The following MFSD6 variants were observed in gnomAD, a reference collection of about 807,000 sequenced individuals.
MFSD6 encodes major facilitator superfamily domain containing 6, also known as major facilitator superfamily domain-containing protein 6.
In MFSD6, 26 loss-of-function variants were observed where a neutral mutation model predicts 56.3. The ratio of observed to expected loss-of-function variants is 0.46; its 90% CI spans 0.34 to 0.64. The LOEUF (loss-of-function observed/expected upper bound fraction) is 0.64, where lower values mean the gene tolerates loss of function less well. MFSD6 is among the 30% of genes least tolerant of loss of function. The probability of loss-of-function intolerance (pLI) is 0.01; values close to 1 mark genes in which losing one functional copy is unlikely to be tolerated. For missense variants in MFSD6, 750 were observed against 986.2 expected, an observed-to-expected ratio of 0.76 and a Z score of 3.21; for synonymous variants, 331 against 366.9, an observed-to-expected ratio of 0.90 and a Z score of 1.12.
rs1371087112 is a variant in MFSD6 at position 190,495,995 on chromosome 2, CTTAA to C, written c.1892-1439_1892-1436del. ...CAAAAACAAAGATAAATAGATGGGA[CTTAA>C]TTAAACTAAAGAGCTTTTGCACAGC... On this transcript the variant is annotated intron_variant, in intron 6 of 7. Transcript: ENST00000392328. The surrounding 1 kb of genome is among the most constrained non-coding windows in gnomAD (Gnocchi z 4.7). Among the ~76,000 whole-genome samples, 1 of 152,034 alleles carries C rather than the reference CTTAA, an allele frequency of 6.6e-6. No individual in the cohort carries two copies. Among genetic ancestry groups the C allele is most frequent in the Non-Finnish European group, 1.5e-5 (1 of 67,980 alleles).
rs1331491092 is a variant in MFSD6, at chr2:190,438,678, G to A, written c.1532+1117G>A. Among the ~76,000 whole-genome samples, 1 of 152,204 alleles carries A rather than the reference G, an allele frequency of 6.6e-6. No individual in the cohort carries two copies. The highest frequency in any genetic ancestry group is 1.5e-5 in the Non-Finnish European group (1 of 68,050). Reference sequence around the variant, plus strand: ...CTTGCCTTACAGAAAAGTACGACATGTCTGTTCCTAAAATGTGAAGTTGCT... The same window carrying A: ...CTTGCCTTACAGAAAAGTACGACATATCTGTTCCTAAAATGTGAAGTTGCT... On this transcript the variant is annotated intron_variant, in intron 3 of 7. Transcript: ENST00000392328. This position sits in a 1 kb window ranked among gnomAD's most constrained non-coding sequence, Gnocchi z 5.2.
In MFSD6 at chr2:190,451,149, G is replaced by T. The variant is rs62181014; in HGVS notation, c.1532+13588G>T. 0.23 allele frequency among the ~76,000 whole-genome samples: 35,107 copies of T among 152,134 alleles called. 4,970 individuals carry two copies. Among genetic ancestry groups the T allele is most frequent in the South Asian group, 0.33 (1,597 of 4,826 alleles). On this transcript the variant is annotated intron_variant, in intron 3 of 7. Transcript: ENST00000392328. The surrounding 1 kb of genome is among the most constrained non-coding windows in gnomAD (Gnocchi z 5.0). ...TTTTGCCAATTTGCCTATAAAAAGT[G>T]TATGTGTGTGTATATGTACATGTGT...
chr2:190,455,952 T>TC (rs1235545323), intron 3 of MFSD6, among the ~76,000 whole-genome samples: 1 of 138,848 alleles, frequency 7.2e-6, no homozygotes, highest in African/African-American at 2.7e-5. Context: ...TTTTTTTTTT[T>TC]TTTTTTGAGA....
rs1278512736 is a variant in MFSD6 at position 190,417,326 on chromosome 2, AG to A, written c.-54+1914del. 6.6e-6 allele frequency among the ~76,000 whole-genome samples: 1 copy of A among 152,228 alleles called. No homozygotes were observed. The highest frequency in any genetic ancestry group is 2.4e-5 in the African/African-American group (1 of 41,446). ...GTTGGGAAATCCTTAGCAAGGTCACAGTAGCAAAACCCTGCCAATCTATTCA... is the reference window on the plus strand; with the variant it reads ...GTTGGGAAATCCTTAGCAAGGTCACATAGCAAAACCCTGCCAATCTATTCA... On this transcript the variant is annotated intron_variant, in intron 2 of 7. Coordinates refer to ENST00000392328, the MANE Select transcript of MFSD6 (RefSeq NM_017694.4). This position sits in a 1 kb window ranked among gnomAD's most constrained non-coding sequence, Gnocchi z 5.7.
chr2:190,464,434 C>T (rs1267398515), intron 3 of MFSD6, among the ~76,000 whole-genome samples: 1 of 152,116 alleles, frequency 6.6e-6, no homozygotes, highest in Non-Finnish European at 1.5e-5. Flanking sequence ...CTTTGCTGCT[C>T]ACACCCTGTG....
In MFSD6 at chr2:190,424,232, CTTCT is replaced by C. The variant is rs746832521; in HGVS notation, c.-54+8822_-54+8825del. Among the ~76,000 whole-genome samples, 31 of 112,018 alleles carry C rather than the reference CTTCT, an allele frequency of 2.8e-4. No homozygotes were observed. The highest frequency in any genetic ancestry group is 9.4e-4 in the African/African-American group (24 of 25,570). 73.5% of individuals were successfully genotyped at this position (112,018 alleles called of 152,430 possible). On this transcript the variant is annotated intron_variant, in intron 2 of 7. Coordinates refer to ENST00000392328, the MANE Select transcript of MFSD6 (RefSeq NM_017694.4). This position sits in a 1 kb window ranked among gnomAD's most constrained non-coding sequence, Gnocchi z 5.9. ...AGCACTAGAGGCTAAAGATTTTCTT[CTTCT>C]TTTTTTTTTTTTCTAAATGTTTTAT...
At position 190,412,258 on chromosome 2, in the gene MFSD6, T is replaced by A; in HGVS notation, c.-175-3034T>A. On this transcript the variant is annotated intron_variant, in intron 1 of 7. Transcript: ENST00000392328. The surrounding 1 kb of genome is among the most constrained non-coding windows in gnomAD (Gnocchi z 4.1). The stretch of plus-strand genomic sequence containing the variant: ...AATCAAGAAAACACATGCTTAAACT[T>A]GGTTAATTATCATTGTGGTAGTAGG... 2.0e-6 allele frequency: 2 copies of A among 984,480 alleles called. No homozygotes were observed. The highest frequency in any genetic ancestry group is 2.4e-6 in the Non-Finnish European group (2 of 829,094). 61.0% of individuals were successfully genotyped at this position (984,480 alleles called of 1,614,324 possible).
At position 190,497,614 on chromosome 2, in the gene MFSD6, A is replaced by C. The variant is rs1309677648; in HGVS notation, c.2067A>C (p.Gly689=). ...AAGATGTGAACAAACCAGCCTGGGGAGTCAGCTCTTCTCCCTGGGTGACCT... is the reference window on the plus strand; with the variant it reads ...AAGATGTGAACAAACCAGCCTGGGGCGTCAGCTCTTCTCCCTGGGTGACCT... ...EQEDVNKPAW[G]VSSSPWVTFV... Residue 689 remains glycine (G), a synonymous_variant, in exon 7 of 8, where the codon GGA becomes GGC. Transcript: ENST00000392328. This position sits in a 1 kb window ranked among gnomAD's most constrained non-coding sequence, Gnocchi z 5.2. 2 of 1,614,038 alleles carry C rather than the reference A, an allele frequency of 1.2e-6. No individual in the cohort carries two copies. Among genetic ancestry groups the C allele is most frequent in the African/African-American group, 2.7e-5 (2 of 74,914 alleles).
intron 4 of MFSD6, among the ~76,000 whole-genome samples, chr2:190,482,867 T>A (rs1421857511): frequency 9.2e-6 from 1 of 108,440 alleles, no homozygotes; most frequent in Admixed American, 1.1e-4. Context: ...AAGACTATCA[T>A]CTTTTTTTTT....
rs1205785915 is a variant in MFSD6 at position 190,417,019 on chromosome 2, T to G, written c.-54+1606T>G. ...GGCAATATGTTATGTTCTAGATTCCTCCCTCGAGGGGTATACAGTCTTGTT... is the reference window on the plus strand; with the variant it reads ...GGCAATATGTTATGTTCTAGATTCCGCCCTCGAGGGGTATACAGTCTTGTT... On this transcript the variant is annotated intron_variant, in intron 2 of 7. Coordinates refer to ENST00000392328, the MANE Select transcript of MFSD6 (RefSeq NM_017694.4). The surrounding 1 kb of genome is among the most constrained non-coding windows in gnomAD (Gnocchi z 5.7). Among the ~76,000 whole-genome samples the G allele has an allele frequency of 6.6e-6, 1 of 152,100 alleles. No individual in the cohort carries two copies. Among genetic ancestry groups the G allele is most frequent in the African/African-American group, 2.4e-5 (1 of 41,410 alleles).
At chr2:190,445,119 G>C (rs1236464032) in intron 3 of MFSD6, among the ~76,000 whole-genome samples, 1 of 152,058 alleles carries the variant, frequency 6.6e-6, no homozygotes, top group East Asian at 1.9e-4. Context: ...TATTTAACTG[G>C]ACAATCTTGG....
At chr2:190,444,756 T>A (rs1686510645) in intron 3 of MFSD6, 1 of 201,496 alleles carries the variant, frequency 5.0e-6, no homozygotes, top group Admixed American at 6.5e-5. Flanking sequence ...GTAACTTTAT[T>A]GTTACAGTTT....
chr2:190,466,470 G>C (rs946901895), intron 3 of MFSD6, among the ~76,000 whole-genome samples: 1 of 152,186 alleles, frequency 6.6e-6, no homozygotes, highest in Admixed American at 6.5e-5. Flanking sequence ...CCTCAAAATG[G>C]TTGGTGAGGA....
Position 190,412,782 on chromosome 2 carries a change from T to C in MFSD6, c.-175-2510T>C. 4.7e-6 allele frequency: 1 copy of C among 213,604 alleles called. No homozygotes were observed. The highest frequency in any genetic ancestry group is 8.1e-6 in the Non-Finnish European group (1 of 124,200). 13.2% of individuals were successfully genotyped at this position (213,604 alleles called of 1,614,324 possible). On this transcript the variant is annotated intron_variant, in intron 1 of 7. Coordinates refer to ENST00000392328, the MANE Select transcript of MFSD6 (RefSeq NM_017694.4). The surrounding 1 kb of genome is among the most constrained non-coding windows in gnomAD (Gnocchi z 4.1). ...TTCTGAATGATACGTTATCCAGTAC[T>C]TAGCCCCACTGCTGGATTCAGTAAC...
At position 190,456,893 on chromosome 2, in the gene MFSD6, G is replaced by A. The variant is rs571148561; in HGVS notation, c.1533-12865G>A. Among the ~76,000 whole-genome samples the A allele has an allele frequency of 1.3e-5, 2 of 152,222 alleles. No homozygotes were observed. Among genetic ancestry groups the A allele is most frequent in the African/African-American group, 4.8e-5 (2 of 41,520 alleles). ...CTTTTCTCCTTTGATCTAGGATATT[G>A]GACAACTGTTGAGTGGCATTTGCTT... On this transcript the variant is annotated intron_variant, in intron 3 of 7. Coordinates refer to ENST00000392328, the MANE Select transcript of MFSD6 (RefSeq NM_017694.4). The surrounding 1 kb of genome is among the most constrained non-coding windows in gnomAD (Gnocchi z 5.4).
intron 2 of MFSD6, among the ~76,000 whole-genome samples, chr2:190,430,207 CT>C (rs71027220): frequency 2.4e-3 from 320 of 132,062 alleles, no homozygotes; most frequent in Middle Eastern, 7.5e-3. Context: ...AGTCCTCATT[CT>C]TTTTTTTTTT....
At chr2:190,428,757 C>G (rs1245579370) in intron 2 of MFSD6, among the ~76,000 whole-genome samples, 2 of 152,032 alleles carry the variant, frequency 1.3e-5, no homozygotes, top group Non-Finnish European at 2.9e-5. Context: ...CACTGCAACC[C>G]TGCTTCCTGG....
At position 190,459,491 on chromosome 2, in the gene MFSD6, T is replaced by C. The variant is rs769660256; in HGVS notation, c.1533-10267T>C. ...AAATTGTAGGGGGTGTGTGTGTGAA[T>C]ATGTTCAGTCATTTGACTAAACAGA... is the stretch of plus-strand genomic sequence containing the variant. On this transcript the variant is annotated intron_variant, in intron 3 of 7. Coordinates refer to ENST00000392328, the MANE Select transcript of MFSD6 (RefSeq NM_017694.4). This position sits in a 1 kb window ranked among gnomAD's most constrained non-coding sequence, Gnocchi z 5.3. Among the ~76,000 whole-genome samples, 1 of 152,232 alleles carries C rather than the reference T, an allele frequency of 6.6e-6. No homozygotes were observed. The highest frequency in any genetic ancestry group is 1.5e-5 in the Non-Finnish European group (1 of 68,034).
rs112644859 is a variant in MFSD6 at position 190,449,178 on chromosome 2, T to C, written c.1532+11617T>C. Among the ~76,000 whole-genome samples the C allele has an allele frequency of 4.5e-3, 683 of 152,210 alleles. 5 individuals carry two copies. Among genetic ancestry groups the C allele is most frequent in the African/African-American group, 0.016 (659 of 41,554 alleles). ...TGAGATCAGGTGCAAATGCATAGTA[T>C]GTTGTTAAGAATTAGCTGGGCGCAG... is the stretch of plus-strand genomic sequence containing the variant. On this transcript the variant is annotated intron_variant, in intron 3 of 7. Coordinates refer to ENST00000392328, the MANE Select transcript of MFSD6 (RefSeq NM_017694.4).
Sources: allele counts gnomAD v4.1 joint callset (sites outside exome capture counted in the v4.1 genomes callset), GRCh38; gene constraint gnomAD v4.1.1; non-coding constraint Gnocchi (gnomAD v3.1); transcripts MANE v1.5; gene names NCBI Gene and HGNC (gene_info 2026-07-23, HGNC 2026-07-21).